Variants in MIS18A observed in about 807,000 individuals in gnomAD.
MIS18A encodes the protein protein Mis18-alpha.
Under a neutral mutation model 25.0 loss-of-function variants are expected in MIS18A, and 14 were observed. That is an observed-to-expected ratio of 0.56 (90% confidence interval 0.37 to 0.88). MIS18A has a LOEUF of 0.88. Ranked by LOEUF, MIS18A falls within the 40% of genes least tolerant of loss-of-function variation. The pLI is 0.00. For missense variants in MIS18A, 292 were observed against 290.8 expected (o/e 1.00, Z -0.03); for synonymous variants, 134 against 118.6 (o/e 1.13, Z -0.84).
chr21:32,221,847 A>ACTGCAGAG, the MIS18A span, among the ~76,000 whole-genome samples: 1 of 152,020 alleles, frequency 6.6e-6, no homozygotes, highest in Non-Finnish European at 1.5e-5. Flanking sequence ...AGCCAAGATC[A>ACTGCAGAG]TGCCACTGCA....
At chr21:32,252,309 GAGTA>G in the MIS18A span, among the ~76,000 whole-genome samples, 219 of 146,952 alleles carry the variant, frequency 1.5e-3, 1 homozygote, top group African/African-American at 5.2e-3. Flanking sequence ...GGAAAAGAAA[GAGTA>G]AGGAAAGAAG....
At chr21:32,182,576 G>A in the MIS18A span, among the ~76,000 whole-genome samples, 59 of 152,234 alleles carry the variant, frequency 3.9e-4, 1 homozygote, top group Non-Finnish European at 6.5e-4. Context: ...GGTGAGCCTC[G>A]GGTGGGCTCG....
chr21:32,232,580 T>G, the MIS18A span, among the ~76,000 whole-genome samples: 1 of 152,092 alleles, frequency 6.6e-6, no homozygotes, highest in Non-Finnish European at 1.5e-5. Context: ...AAAATACAAA[T>G]ATTATTCATC....
chr21:32,271,713 G>A (rs981003891), intron 2 of MIS18A, among the ~76,000 whole-genome samples: 1 of 152,172 alleles, frequency 6.6e-6, no homozygotes, highest in African/African-American at 2.4e-5. Flanking sequence ...CCAAATGTGA[G>A]ATTACTGGCA....
At chr21:32,194,574 G>A in the MIS18A span, among the ~76,000 whole-genome samples, 3 of 151,812 alleles carry the variant, frequency 2.0e-5, no homozygotes, top group Admixed American at 6.6e-5. Context: ...CAGGAGAATC[G>A]CTTGAACCTG....
chr21:32,175,121 C>T, the MIS18A span, among the ~76,000 whole-genome samples: 1 of 152,140 alleles, frequency 6.6e-6, no homozygotes, highest in Non-Finnish European at 1.5e-5. Context: ...AGGCTACTAA[C>T]CTATATAGCA....
chr21:32,231,067 C>G, the MIS18A span, among the ~76,000 whole-genome samples: 2 of 151,656 alleles, frequency 1.3e-5, no homozygotes, highest in African/African-American at 4.9e-5. Flanking sequence ...AAACCCCCGT[C>G]TCTAACAAAA....
At chr21:32,156,676 C>G in the MIS18A span, among the ~76,000 whole-genome samples, 28 of 152,100 alleles carry the variant, frequency 1.8e-4, no homozygotes, top group Non-Finnish European at 4.0e-4. Context: ...GTTTTTACCC[C>G]CAGACCATTT....
the MIS18A span, among the ~76,000 whole-genome samples, chr21:32,262,224 C>T: frequency 2.0e-5 from 3 of 152,270 alleles, no homozygotes; most frequent in Middle Eastern, 3.4e-3. Flanking sequence ...CACAGTGCTC[C>T]GCACCTCCTA....
the MIS18A span, among the ~76,000 whole-genome samples, chr21:32,223,942 C>T: frequency 4.6e-5 from 7 of 152,212 alleles, no homozygotes; most frequent in East Asian, 7.7e-4. Context: ...ATCAAGTTGG[C>T]TTCATCCCTC....
At chr21:32,222,176 A>G in the MIS18A span, among the ~76,000 whole-genome samples, 6 of 152,220 alleles carry the variant, frequency 3.9e-5, no homozygotes, top group African/African-American at 1.4e-4. Context: ...TAAACCAACA[A>G]AGATCAAAAA....
the MIS18A span, among the ~76,000 whole-genome samples, chr21:32,235,762 C>T: frequency 6.6e-6 from 1 of 152,166 alleles, no homozygotes; most frequent in Non-Finnish European, 1.5e-5. Context: ...CACCATCATC[C>T]ATCATTGGAC....
chr21:32,269,951 G>A, intron 3 of MIS18A, 148 bp from the exon 4 acceptor site: 1 of 605,604 alleles, frequency 1.7e-6, no homozygotes, highest in Non-Finnish European at 2.9e-6. Context: ...CAATATGCCT[G>A]TAGTCTTAGC....
At chr21:32,189,986 C>T in the MIS18A span, among the ~76,000 whole-genome samples, 1 of 152,210 alleles carries the variant, frequency 6.6e-6, no homozygotes, top group African/African-American at 2.4e-5. Flanking sequence ...CTTTCTCCTC[C>T]ACCCAGCCCT....
chr21:32,265,832 C>T (rs1226941226), downstream of MIS18A, among the ~76,000 whole-genome samples: 6 of 152,238 alleles, frequency 3.9e-5, no homozygotes, highest in Non-Finnish European at 8.8e-5. Context: ...TTATATCTAG[C>T]TCAAGGATTG....
chr21:32,189,249 T>C, the MIS18A span, among the ~76,000 whole-genome samples: 23,040 of 152,166 alleles, frequency 0.15, 1,844 homozygotes, highest in East Asian at 0.24. Flanking sequence ...GAACTCCCTG[T>C]CTCATACTTC....
the MIS18A span, among the ~76,000 whole-genome samples, chr21:32,241,035 A>C: frequency 6.6e-6 from 1 of 152,242 alleles, no homozygotes; most frequent in African/African-American, 2.4e-5. Context: ...AGCTGTTAAA[A>C]TGTGGCCCTA....
intron 1 of MIS18A, among the ~76,000 whole-genome samples, chr21:32,275,562 C>G (rs545653505): frequency 6.6e-6 from 1 of 152,306 alleles, no homozygotes; most frequent in East Asian, 1.9e-4. Context: ...TCAGAGGCAG[C>G]AGCAAACATT....
chr21:32,179,505 T>C, the MIS18A span, among the ~76,000 whole-genome samples: 5 of 152,182 alleles, frequency 3.3e-5, no homozygotes, highest in Non-Finnish European at 5.9e-5. Context: ...TCCAGGAGCC[T>C]GCAGATGACC....
Sources: gnomAD v4.1 joint callset for allele counts (sites outside exome capture counted in the v4.1 genomes callset) on GRCh38, gnomAD v4.1.1 for gene constraint, MANE v1.5 for transcripts, NCBI Gene and HGNC (gene_info 2026-07-23, HGNC 2026-07-21) for gene names.